Variants in IL1RAPL2 observed in about 807,000 individuals in gnomAD.
IL1RAPL2 encodes the protein X-linked interleukin-1 receptor accessory protein-like 2.
IL1RAPL2 carries 3 observed loss-of-function variants against 44.1 expected under a neutral mutation model. The ratio of observed to expected loss-of-function variants is 0.07; its 90% CI spans 0.03 to 0.18. IL1RAPL2 has a LOEUF of 0.18. IL1RAPL2 is among the 10% of genes least tolerant of loss of function. IL1RAPL2 has a pLI of 1.00. For synonymous variants in IL1RAPL2, 181 were observed against 178.8 expected (o/e 1.01, Z -0.10); for missense variants, 391 against 496.4 (o/e 0.79, Z 2.02).
At chrX:105,056,433 A>G (rs2031994724) in intron 2 of IL1RAPL2, among the ~76,000 whole-genome samples, 1 of 111,822 alleles carries the variant, frequency 8.9e-6, no homozygotes, top group African/African-American at 3.3e-5. Flanking sequence ...TAAAATCCAT[A>G]CCTCTGAACT....
At chrX:104,673,395 A>G (rs1257929474) in intron 2 of IL1RAPL2, among the ~76,000 whole-genome samples, 1 of 111,093 alleles carries the variant, frequency 9.0e-6, no homozygotes, top group African/African-American at 3.3e-5. Context: ...TTTGTCAAAG[A>G]TCAGATAGTT....
intron 2 of IL1RAPL2, among the ~76,000 whole-genome samples, chrX:105,061,339 G>A (rs2032073375): frequency 9.0e-6 from 1 of 111,322 alleles, no homozygotes; most frequent in Non-Finnish European, 1.9e-5. Context: ...CTTTGTGTTT[G>A]TACAGTTTTC....
chrX:104,586,446 A>G (rs1483178597), intron 1 of IL1RAPL2, among the ~76,000 whole-genome samples: 1 of 111,668 alleles, frequency 9.0e-6, no homozygotes, highest in Non-Finnish European at 1.9e-5. Flanking sequence ...TCCTTAGTTT[A>G]ATTAGATCCT....
intron 2 of IL1RAPL2, among the ~76,000 whole-genome samples, chrX:104,962,389 A>G (rs1261415871): frequency 8.9e-6 from 1 of 111,935 alleles, no homozygotes; most frequent in East Asian, 2.8e-4. Flanking sequence ...TCTTTATTAT[A>G]AGAAACAATG....
chrX:104,607,891 A>G (rs7055770), intron 1 of IL1RAPL2, among the ~76,000 whole-genome samples: 16,826 of 111,455 alleles, frequency 0.15, 3,152 homozygotes, highest in African/African-American at 0.53. Context: ...ATACACCCAA[A>G]CGATTATAAA....
intron 2 of IL1RAPL2, among the ~76,000 whole-genome samples, chrX:105,071,407 T>C (rs1216418529): frequency 9.3e-6 from 1 of 107,688 alleles, no homozygotes; most frequent in African/African-American, 3.4e-5. Context: ...GTTCATGGAG[T>C]TGAAAAATTA....
intron 2 of IL1RAPL2, among the ~76,000 whole-genome samples, chrX:104,885,231 G>A (rs751183427): frequency 8.0e-4 from 89 of 111,788 alleles, no homozygotes; most frequent in African/African-American, 2.7e-3. Context: ...AATGACAGCC[G>A]AAGAAAGGGA....
At chrX:104,647,366 A>G in intron 1 of IL1RAPL2, 2 of 521,344 alleles carry the variant, frequency 3.8e-6, no homozygotes, top group Non-Finnish European at 7.0e-6. Flanking sequence ...CTCAGCAGAG[A>G]TGATGGCTGC....
At chrX:105,737,587 A>G (rs1464685841) in intron 7 of IL1RAPL2, among the ~76,000 whole-genome samples, 1 of 111,383 alleles carries the variant, frequency 9.0e-6, no homozygotes, top group Non-Finnish European at 1.9e-5. Flanking sequence ...TGGAAACTGC[A>G]TTAGAAGAAG....
intron 2 of IL1RAPL2, among the ~76,000 whole-genome samples, chrX:104,743,082 AC>A (rs1932120863): frequency 9.0e-6 from 1 of 111,186 alleles, no homozygotes; most frequent in African/African-American, 3.3e-5. Context: ...TCTGCTTGAG[AC>A]CAGCTCAAGA....
intron 2 of IL1RAPL2, among the ~76,000 whole-genome samples, chrX:104,924,560 C>T (rs1924728990): frequency 9.0e-6 from 1 of 111,594 alleles, no homozygotes; most frequent in South Asian, 3.8e-4. Context: ...CTCAAAGCTA[C>T]ACAAGTACAT....
Position 105,389,368 on chromosome X carries a change from A to T in IL1RAPL2, c.698-94945A>T, listed in dbSNP as rs185044042. On this transcript the variant is annotated intron_variant, in intron 5 of 10. Transcript: ENST00000372582. ...TTCTATAACCAGAAGCTAGGCTGTA[A>T]ATTGCCATTTTCTGTAAAAGTTGGC... Among the ~76,000 whole-genome samples, 7 of 112,050 alleles carry T rather than the reference A, an allele frequency of 6.2e-5. No individual in the cohort carries two copies. The East Asian group carries it at 2.0e-3, about 32-fold the overall frequency.
chrX:105,220,488 C>T, intron 3 of IL1RAPL2: 1 of 844,990 alleles, frequency 1.2e-6, no homozygotes, highest in South Asian at 2.9e-5. Flanking sequence ...TCCCCTCATC[C>T]ATCTTCTCCC....
At chrX:105,369,608 G>C (rs1354404074) in intron 5 of IL1RAPL2, among the ~76,000 whole-genome samples, 1 of 111,478 alleles carries the variant, frequency 9.0e-6, no homozygotes, top group East Asian at 2.8e-4. Flanking sequence ...TTCTTGATCA[G>C]ACTGCTCATT....
At chrX:104,580,430 A>C (rs778891049) in intron 1 of IL1RAPL2, among the ~76,000 whole-genome samples, 1 of 112,827 alleles carries the variant, frequency 8.9e-6, no homozygotes, top group African/African-American at 3.2e-5. Context: ...GGGATCCATT[A>C]ATTTATAGTT....
At chrX:104,613,613 T>C (rs1375477598) in intron 1 of IL1RAPL2, among the ~76,000 whole-genome samples, 1 of 111,000 alleles carries the variant, frequency 9.0e-6, no homozygotes, top group Non-Finnish European at 1.9e-5. Context: ...TCAGGGATAC[T>C]TGTCTGTAGT....
chrX:105,344,166 A>C (rs2035092826), intron 5 of IL1RAPL2, among the ~76,000 whole-genome samples: 1 of 112,430 alleles, frequency 8.9e-6, no homozygotes, highest in Non-Finnish European at 1.9e-5. Context: ...AAGTGCTGGG[A>C]TTACACATGT....
chrX:104,825,517 A>G (rs1361084190), intron 2 of IL1RAPL2, among the ~76,000 whole-genome samples: 1 of 111,894 alleles, frequency 8.9e-6, no homozygotes, highest in Non-Finnish European at 1.9e-5. Context: ...TTTTAAGGCT[A>G]CAAAACAATA....
At chrX:105,308,102 C>A (rs770335035) in intron 5 of IL1RAPL2, among the ~76,000 whole-genome samples, 2 of 111,082 alleles carry the variant, frequency 1.8e-5, no homozygotes, top group Non-Finnish European at 3.8e-5. Context: ...ATATTAAAAA[C>A]CATGAGTTTA....
Sources: gnomAD v4.1 joint callset for allele counts (sites outside exome capture counted in the v4.1 genomes callset) on GRCh38, gnomAD v4.1.1 for gene constraint, MANE v1.5 for transcripts, NCBI Gene and HGNC (gene_info 2026-07-23, HGNC 2026-07-21) for gene names.